The following NKD1 variants were observed in gnomAD, a reference collection of about 807,000 sequenced individuals.
NKD1 encodes protein naked cuticle homolog 1.
In NKD1, 21 loss-of-function variants were observed where a neutral mutation model predicts 56.0. The ratio of observed to expected loss-of-function variants is 0.38; its 90% CI spans 0.27 to 0.54. The LOEUF (loss-of-function observed/expected upper bound fraction) is 0.54, where lower values mean the gene tolerates loss of function less well. Among genes scored for constraint, NKD1 ranks in the 20% least tolerant of loss-of-function variants. The pLI is 0.82. For synonymous variants in NKD1, 263 were observed against 265.7 expected, an observed-to-expected ratio of 0.99 and a Z score of 0.10; for missense variants, 578 against 642.7, an observed-to-expected ratio of 0.90 and a Z score of 1.09.
chr16:50,628,534 C>T (rs913456488), intron 6 of NKD1, among the ~76,000 whole-genome samples: 4 of 152,144 alleles, frequency 2.6e-5, no homozygotes, highest in African/African-American at 9.7e-5. Flanking sequence ...GGACATTGCC[C>T]TGCACCCCAA....
At chr16:50,602,746 C>T (rs949784451) in intron 3 of NKD1, among the ~76,000 whole-genome samples, 1 of 152,222 alleles carries the variant, frequency 6.6e-6, no homozygotes, top group Non-Finnish European at 1.5e-5. Flanking sequence ...GCGTGTCTTC[C>T]TGTGAGGGCT....
chr16:50,549,336 C>T (rs1403852922), intron 2 of NKD1, 86 bp from the exon 3 acceptor site: 5 of 1,525,166 alleles, frequency 3.3e-6, no homozygotes, highest in Middle Eastern at 2.4e-4. Flanking sequence ...TCCTTCGCCT[C>T]CCACCGCGCC....
intron 4 of NKD1, among the ~76,000 whole-genome samples, chr16:50,610,728 C>T (rs938819420): frequency 1.3e-5 from 2 of 152,238 alleles, no homozygotes; most frequent in African/African-American, 4.8e-5. Flanking sequence ...ATGGCTTTAG[C>T]TCCCGCGTTG....
intron 3 of NKD1, chr16:50,571,048 C>T: frequency 6.2e-6 from 6 of 961,124 alleles, no homozygotes; most frequent in Non-Finnish European, 7.4e-6. Flanking sequence ...CTGTGCTGGA[C>T]ATCTCCTCCC....
chr16:50,608,335 AGAG>A lies in NKD1; in HGVS notation c.240_242del (p.Glu80del). On this transcript the variant is annotated inframe_deletion, in exon 4 of 10. Coordinates refer to ENST00000268459, the MANE Select transcript of NKD1 (RefSeq NM_033119.5). Reference sequence around the variant, plus strand: ...TGTTGAGAGACACGCTCAGCGAGGAAGAGGAGGACGACTTTCGGCTGGAAGGTA... The same window carrying A: ...TGTTGAGAGACACGCTCAGCGAGGAAGAGGACGACTTTCGGCTGGAAGGTA... 1 of 1,613,390 alleles carries A rather than the reference AGAG, an allele frequency of 6.2e-7. No homozygotes were observed. Among genetic ancestry groups the A allele is most frequent in the Non-Finnish European group, 8.5e-7 (1 of 1,179,624 alleles).
intron 3 of NKD1, among the ~76,000 whole-genome samples, chr16:50,579,185 C>A (rs537237090): frequency 6.6e-6 from 1 of 151,222 alleles, no homozygotes; most frequent in Non-Finnish European, 1.5e-5. Context: ...CTGTCTTACT[C>A]CTGCAGGCTA....
intron 3 of NKD1, among the ~76,000 whole-genome samples, chr16:50,575,553 T>C (rs1960976562): frequency 6.6e-6 from 1 of 152,224 alleles, no homozygotes; most frequent in African/African-American, 2.4e-5. Flanking sequence ...ACGGACTTGC[T>C]CTTGAACTCA....
intron 4 of NKD1, among the ~76,000 whole-genome samples, chr16:50,620,036 T>C (rs1340458572): frequency 6.6e-6 from 1 of 152,266 alleles, no homozygotes; most frequent in African/African-American, 2.4e-5. Flanking sequence ...AAGCCTCAGT[T>C]TCCCCATCTG....
At position 50,632,213 on chromosome 16, in the gene NKD1, A is replaced by T; in HGVS notation, c.696-68A>T. On this transcript the variant is annotated intron_variant, in intron 8 of 9. Transcript: ENST00000268459. This position sits in a 1 kb window ranked among gnomAD's most constrained non-coding sequence, Gnocchi z 4.1. Reference sequence around the variant, plus strand: ...CCAGAGTTCATTCTGGGGGCTTCCTAGTAGCCTATGCGCTTGCCCCCACCT... The same window carrying T: ...CCAGAGTTCATTCTGGGGGCTTCCTTGTAGCCTATGCGCTTGCCCCCACCT... The T allele has an allele frequency of 6.6e-7, 1 of 1,522,462 alleles. No individual in the cohort carries two copies. The highest frequency in any genetic ancestry group is 2.3e-5 in the East Asian group (1 of 44,242). The allele number at this position is 1,522,462 out of a possible 1,614,324, so 94.3% of individuals were successfully genotyped here.
At chr16:50,558,832 C>T (rs558876263) in intron 3 of NKD1, 9 of 152,266 alleles carry the variant, frequency 5.9e-5, no homozygotes, top group African/African-American at 2.2e-4. Flanking sequence ...TTCCTTGAAC[C>T]CGGGAGATGG....
chr16:50,559,362 CG>C (rs1346951648), intron 3 of NKD1, among the ~76,000 whole-genome samples: 1 of 152,060 alleles, frequency 6.6e-6, no homozygotes, highest in Non-Finnish European at 1.5e-5. Flanking sequence ...GGGAGTGATG[CG>C]TAAGTCGTTA....
chr16:50,631,089 C>G (rs1962334703), intron 8 of NKD1, among the ~76,000 whole-genome samples, 179 bp downstream of exon 8: 1 of 152,210 alleles, frequency 6.6e-6, no homozygotes, highest in Non-Finnish European at 1.5e-5. Context: ...TAGTCCACAT[C>G]CTTTTATGGA....
chr16:50,602,920 C>T (rs1961628287), intron 3 of NKD1, among the ~76,000 whole-genome samples: 2 of 152,220 alleles, frequency 1.3e-5, no homozygotes, highest in Admixed American at 1.3e-4. Flanking sequence ...AAGTGCATTG[C>T]CCTAAACATC....
intron 3 of NKD1, among the ~76,000 whole-genome samples, chr16:50,594,039 C>T (rs1961424031): frequency 6.6e-6 from 1 of 152,104 alleles, no homozygotes; most frequent in African/African-American, 2.4e-5. Flanking sequence ...TCTGTGAAGC[C>T]AGCCTGAAAC....
intron 4 of NKD1, among the ~76,000 whole-genome samples, chr16:50,615,855 G>T (rs1172611543): frequency 1.3e-5 from 2 of 152,214 alleles, no homozygotes; most frequent in African/African-American, 4.8e-5. Context: ...ACAGTATGTG[G>T]CTGTGTTTAC....
intron 3 of NKD1, chr16:50,566,275 A>G (rs1053386742): frequency 1.1e-5 from 7 of 626,868 alleles, no homozygotes; most frequent in South Asian, 1.4e-4. Context: ...AGCCCAAACT[A>G]TGTCCCAGGA....
At chr16:50,629,401 C>G (rs1962294142) in intron 6 of NKD1, among the ~76,000 whole-genome samples, 1 of 152,210 alleles carries the variant, frequency 6.6e-6, no homozygotes, top group South Asian at 2.1e-4. Flanking sequence ...GAGTGGGGAG[C>G]CACAGTTTAG....
intron 3 of NKD1, among the ~76,000 whole-genome samples, chr16:50,589,648 G>A (rs1961304818): frequency 6.6e-6 from 1 of 152,034 alleles, no homozygotes; most frequent in African/African-American, 2.4e-5. Flanking sequence ...AAAGGCAGCG[G>A]GCAAATGGAT....
At chr16:50,574,741 G>A in intron 3 of NKD1, 1 of 985,434 alleles carries the variant, frequency 1.0e-6, no homozygotes, top group Non-Finnish European at 1.2e-6. Context: ...TTGGCACTTG[G>A]TGAGCAAATG....
Sources: gnomAD v4.1 joint callset for allele counts (sites outside exome capture counted in the v4.1 genomes callset) on GRCh38, gnomAD v4.1.1 for gene constraint, Gnocchi (gnomAD v3.1) non-coding constraint, MANE v1.5 for transcripts, NCBI Gene and HGNC (gene_info 2026-07-23, HGNC 2026-07-21) for gene names.